NCKAP5: variants seen among roughly 807,000 people sequenced by gnomAD.
The protein encoded by NCKAP5 is NCK associated protein 5.
In NCKAP5, 92 loss-of-function variants were observed where a neutral mutation model predicts 167.0. The ratio of observed to expected loss-of-function variants is 0.55; its 90% CI spans 0.47 to 0.66. The LOEUF is 0.66. Among genes scored for constraint, NCKAP5 ranks in the 30% least tolerant of loss-of-function variants. The pLI is 0.00. For synonymous variants in NCKAP5, 891 were observed against 877.4 expected (o/e 1.02, Z -0.27); for missense variants, 2,378 against 2,315.0 (o/e 1.03, Z -0.56).
upstream of NCKAP5, among the ~76,000 whole-genome samples, chr2:133,569,198 C>A (rs1200419879): frequency 6.6e-6 from 1 of 151,946 alleles, no homozygotes; most frequent in Non-Finnish European, 1.5e-5. Flanking sequence ...TAAAAGTGGG[C>A]CTTTTCTCCC....
chr2:132,727,859 T>C (rs1264998979), intron 18 of NCKAP5, among the ~76,000 whole-genome samples: 2 of 152,168 alleles, frequency 1.3e-5, no homozygotes, highest in African/African-American at 4.8e-5. Context: ...TCCCCTTCCA[T>C]ACTGAGGCAG....
At chr2:133,388,497 T>A (rs2150979820) in intron 3 of NCKAP5, among the ~76,000 whole-genome samples, 1 of 152,338 alleles carries the variant, frequency 6.6e-6, no homozygotes, top group South Asian at 2.1e-4. Context: ...AGGGACCCAC[T>A]TGAGGCAGTC....
chr2:132,722,427 G>C (rs948377684), intron 19 of NCKAP5, among the ~76,000 whole-genome samples: 1 of 152,094 alleles, frequency 6.6e-6, no homozygotes, highest in Admixed American at 6.5e-5. Context: ...TCCTCACTTG[G>C]CTTCTAAGAC....
intron 7 of NCKAP5, among the ~76,000 whole-genome samples, chr2:132,971,262 G>A (rs1325802402): frequency 6.6e-6 from 1 of 152,082 alleles, no homozygotes; most frequent in African/African-American, 2.4e-5. Context: ...GGTTGGGAGA[G>A]GTTTCCCAGA....
chr2:132,982,353 T>C (rs994822424), intron 7 of NCKAP5, among the ~76,000 whole-genome samples: 1 of 152,162 alleles, frequency 6.6e-6, no homozygotes, highest in African/African-American at 2.4e-5. Flanking sequence ...CAAAACCAAC[T>C]GAGGGAGAAA....
At chr2:133,499,726 A>T (rs1682320428) in intron 3 of NCKAP5, among the ~76,000 whole-genome samples, 1 of 151,970 alleles carries the variant, frequency 6.6e-6, no homozygotes, top group Non-Finnish European at 1.5e-5. Context: ...CGCACAGCTA[A>T]TTTTTGTATT....
chr2:133,125,218 C>A (rs1190795110), intron 6 of NCKAP5, among the ~76,000 whole-genome samples: 1 of 150,976 alleles, frequency 6.6e-6, no homozygotes, highest in East Asian at 1.9e-4. Flanking sequence ...CATTACTCTA[C>A]CTTTTTTTTT....
intron 8 of NCKAP5, among the ~76,000 whole-genome samples, chr2:132,893,515 T>A (rs891115770): frequency 5.3e-5 from 8 of 152,198 alleles, no homozygotes; most frequent in African/African-American, 1.9e-4. Flanking sequence ...CTGGCAATGA[T>A]AACATTGAAT....
At chr2:133,573,674 T>C in the NCKAP5 span, among the ~76,000 whole-genome samples, 1 of 152,340 alleles carries the variant, frequency 6.6e-6, no homozygotes, top group South Asian at 2.1e-4. Flanking sequence ...GGATTTTATT[T>C]CAGCCTCCTC....
chr2:132,958,025 T>C (rs2076393336), intron 8 of NCKAP5, among the ~76,000 whole-genome samples: 1 of 152,200 alleles, frequency 6.6e-6, no homozygotes, highest in Non-Finnish European at 1.5e-5. Flanking sequence ...CTCCTATGTA[T>C]ACACATTGAA....
rs756221197 is a variant in NCKAP5 at position 132,783,516 on chromosome 2, G to C, written c.3295C>G (p.Pro1099Ala). The change falls in exon 14 of 20, where the codon CCC (proline) becomes GCC (alanine). Residue 1099 changes from proline to alanine, a missense_variant. This residue lies in a region of NCKAP5 where 1,325 missense variants were observed against 1,274.5 expected (regional missense o/e 1.04). Transcript: ENST00000409261. ...ACCCCTAAGAAGGAAGGCTTGGGGG[G>C]TGTGGAGGCGCTATCATTCAATTGT... Reference protein sequence around the residue: ...KGQLNDSASTPPKPSFLGVNE... With the variant: ...KGQLNDSASTAPKPSFLGVNE... The C allele has an allele frequency of 1.2e-6, 2 of 1,612,872 alleles. No homozygotes were observed. The highest frequency in any genetic ancestry group is 1.7e-6 in the Non-Finnish European group (2 of 1,179,374).
intron 8 of NCKAP5, among the ~76,000 whole-genome samples, chr2:132,925,766 TA>T (rs1011696908): frequency 6.6e-6 from 1 of 152,060 alleles, no homozygotes; most frequent in Non-Finnish European, 1.5e-5. Flanking sequence ...AATTCTAGTC[TA>T]AAATTCATCT....
intron 7 of NCKAP5, among the ~76,000 whole-genome samples, chr2:132,971,100 G>C (rs1440588599): frequency 1.3e-5 from 2 of 152,198 alleles, no homozygotes; most frequent in African/African-American, 4.8e-5. Context: ...ATACACGTGT[G>C]GCCCCTGTTC....
chr2:133,571,463 C>T (rs1688865020), upstream of NCKAP5, among the ~76,000 whole-genome samples: 2 of 152,152 alleles, frequency 1.3e-5, no homozygotes, highest in Non-Finnish European at 1.5e-5. Flanking sequence ...GTTGTCTCCC[C>T]GCCTCCTGCC....
the NCKAP5 span, among the ~76,000 whole-genome samples, chr2:133,661,189 A>T: frequency 2.6e-4 from 39 of 152,234 alleles, no homozygotes; most frequent in South Asian, 7.9e-3. Context: ...GGTGCGAAGA[A>T]GATGAAAGAG....
At chr2:133,461,717 A>G (rs1178318917) in intron 3 of NCKAP5, among the ~76,000 whole-genome samples, 1 of 152,202 alleles carries the variant, frequency 6.6e-6, no homozygotes, top group Non-Finnish European at 1.5e-5. Flanking sequence ...TCCTGATGAC[A>G]CAGCCTCACC....
intron 8 of NCKAP5, among the ~76,000 whole-genome samples, chr2:132,938,293 C>T (rs1167285747): frequency 4.6e-5 from 7 of 152,152 alleles, no homozygotes; most frequent in Admixed American, 4.6e-4. Context: ...GGTTCTGACC[C>T]TGGTGGAATT....
At chr2:132,815,675 G>A (rs1231119995) in intron 11 of NCKAP5, among the ~76,000 whole-genome samples, 1 of 152,134 alleles carries the variant, frequency 6.6e-6, no homozygotes, top group Non-Finnish European at 1.5e-5. Flanking sequence ...TGTGTAACAT[G>A]TGAATTACTT....
chr2:132,778,394 C>T (rs1682732081), intron 15 of NCKAP5, among the ~76,000 whole-genome samples: 1 of 151,976 alleles, frequency 6.6e-6, no homozygotes, highest in Admixed American at 6.6e-5. Context: ...AATGAATATG[C>T]AGTTACTAGT....
Sources: gnomAD v4.1 joint callset for allele counts (sites outside exome capture counted in the v4.1 genomes callset) on GRCh38, gnomAD v4.1.1 for gene constraint, gnomAD v4.1.1 regional missense constraint, MANE v1.5 for transcripts, NCBI Gene and HGNC (gene_info 2026-07-23, HGNC 2026-07-21) for gene names.